Variants in CAST observed in about 807,000 individuals in gnomAD.
The protein encoded by CAST is MIR583 host.
In CAST, 76 loss-of-function variants were observed where a neutral mutation model predicts 119.6. That is an observed-to-expected ratio of 0.64 (90% CI 0.53 to 0.77). CAST has a LOEUF of 0.77. CAST is among the 30% of genes least tolerant of loss of function. CAST has a pLI of 0.00. For missense variants in CAST, 953 were observed against 946.5 expected (o/e 1.01, Z -0.09); for synonymous variants, 319 against 331.6 (o/e 0.96, Z 0.41).
In CAST at chr5:96,740,924, A is replaced by T. The variant is rs531007060; in HGVS notation, c.918+141A>T. 2.2e-3 allele frequency: 1,464 copies of T among 659,380 alleles called. 29 individuals are homozygous for T. In the South Asian group the frequency reaches 0.026, roughly 12 times the overall value. 40.8% of individuals were successfully genotyped at this position (659,380 alleles called of 1,614,324 possible). ...ATGGAGTTTCTGTGTGTTCAGAGAA[A>T]GGGGTTGGTGGGAGGGTTGTCTCAG... On this transcript the variant is annotated intron_variant, in intron 13 of 31. Coordinates refer to ENST00000675179, the MANE Select transcript of CAST (RefSeq NM_001750.7).
chr5:96,384,127 A>G, the CAST span, among the ~76,000 whole-genome samples: 1 of 152,106 alleles, frequency 6.6e-6, no homozygotes, highest in African/African-American at 2.4e-5. Flanking sequence ...AAGAGGAGGT[A>G]TCTCTTCTCT....
chr5:96,426,024 C>T, the CAST span: 33 of 746,430 alleles, frequency 4.4e-5, 1 homozygote, highest in Middle Eastern at 9.9e-4. Flanking sequence ...CATCAGAGTT[C>T]AGGCAGCTCT....
At chr5:96,134,812 C>G in the CAST span, among the ~76,000 whole-genome samples, 4 of 152,124 alleles carry the variant, frequency 2.6e-5, no homozygotes, top group Non-Finnish European at 5.9e-5. Context: ...TTTTCTGCCT[C>G]TAGTAGGAAG....
At chr5:96,483,642 A>G in the CAST span, among the ~76,000 whole-genome samples, 105,831 of 152,006 alleles carry the variant, frequency 0.7, 37,398 homozygotes, top group African/African-American at 0.79. Flanking sequence ...CTGATCTTTC[A>G]TTGTTTTTTC....
chr5:96,457,137 T>C, the CAST span, among the ~76,000 whole-genome samples: 108,863 of 151,936 alleles, frequency 0.72, 39,621 homozygotes, highest in African/African-American at 0.83. Flanking sequence ...GTTATTAGCA[T>C]CCTCCCTGAT....
chr5:96,601,862 C>T (rs1031722361), intron 1 of CAST, among the ~76,000 whole-genome samples: 1 of 152,120 alleles, frequency 6.6e-6, no homozygotes, highest in Non-Finnish European at 1.5e-5. Context: ...TGATAAGCAC[C>T]GTAATGCTAA....
At chr5:96,490,120 A>G in the CAST span, among the ~76,000 whole-genome samples, 1 of 152,178 alleles carries the variant, frequency 6.6e-6, no homozygotes, top group African/African-American at 2.4e-5. Context: ...ATGATCAACA[A>G]TTGTCAACAC....
chr5:96,531,524 T>C (rs1488442459), intron 1 of CAST, among the ~76,000 whole-genome samples: 2 of 152,228 alleles, frequency 1.3e-5, no homozygotes, highest in African/African-American at 4.8e-5. Context: ...AGAAGCACTT[T>C]AATGTAAAAT....
the CAST span, among the ~76,000 whole-genome samples, chr5:95,996,223 G>T: frequency 6.6e-6 from 1 of 152,180 alleles, no homozygotes; most frequent in Non-Finnish European, 1.5e-5. Context: ...TGACTCCAGA[G>T]TGGATTGCAG....
chr5:96,513,264 C>G, the CAST span, among the ~76,000 whole-genome samples: 162 of 152,324 alleles, frequency 1.1e-3, no homozygotes, highest in African/African-American at 3.8e-3. Context: ...CTGCTGTAGG[C>G]ACTGGGGCTA....
the CAST span, among the ~76,000 whole-genome samples, chr5:96,418,273 G>A: frequency 6.6e-6 from 1 of 152,292 alleles, no homozygotes; most frequent in Non-Finnish European, 1.5e-5. Context: ...GTGAGGTGCT[G>A]CAGTAAAGAA....
chr5:96,008,020 G>A, the CAST span, among the ~76,000 whole-genome samples: 12 of 151,492 alleles, frequency 7.9e-5, 1 homozygote, highest in African/African-American at 2.7e-4. Flanking sequence ...GTGAGAAGGT[G>A]GCTGTCTACA....
chr5:96,279,589 T>C, the CAST span, among the ~76,000 whole-genome samples: 2 of 152,216 alleles, frequency 1.3e-5, no homozygotes, highest in South Asian at 4.1e-4. Context: ...GGCACATTAA[T>C]AGACATGATA....
At chr5:96,064,507 A>C in the CAST span, among the ~76,000 whole-genome samples, 1 of 151,982 alleles carries the variant, frequency 6.6e-6, no homozygotes, top group South Asian at 2.1e-4. Flanking sequence ...TCATTTTTGT[A>C]CTTTCATTTA....
chr5:96,750,670 G>A lies in CAST; in HGVS notation c.1512G>A (p.Glu504=), dbSNP rs1261115261. Reference sequence around the variant, plus strand: ...GTAGTATACAGTCAGCACCCCCTGAGCCGGCTACCTTGGTGAGTGACTCCC... The same window carrying A: ...GTAGTATACAGTCAGCACCCCCTGAACCGGCTACCTTGGTGAGTGACTCCC... ...SMCSIQSAPP[E]PATLKGTVPD... Residue 504 remains glutamate (E), a synonymous_variant, in exon 20 of 32, where the codon GAG becomes GAA. Transcript: ENST00000675179. 1.1e-5 allele frequency: 17 copies of A among 1,611,974 alleles called. No individual in the cohort carries two copies. The highest frequency in any genetic ancestry group is 1.4e-5 in the Non-Finnish European group (16 of 1,178,328).
chr5:96,314,169 A>T, the CAST span, among the ~76,000 whole-genome samples: 1 of 152,148 alleles, frequency 6.6e-6, no homozygotes, highest in Non-Finnish European at 1.5e-5. Flanking sequence ...TATTTTGCTG[A>T]TTATCTCTAA....
At chr5:96,426,067 G>T in the CAST span, 1 of 683,656 alleles carries the variant, frequency 1.5e-6, no homozygotes, top group Non-Finnish European at 2.7e-6. Flanking sequence ...GATTAAACTG[G>T]CACCTCAGTG....
the CAST span, among the ~76,000 whole-genome samples, chr5:96,416,565 G>A: frequency 6.6e-6 from 1 of 152,160 alleles, no homozygotes; most frequent in Non-Finnish European, 1.5e-5. Context: ...TTTCTCCCTA[G>A]TGACTGCCTT....
the CAST span, among the ~76,000 whole-genome samples, chr5:96,488,726 T>C: frequency 1.3e-5 from 2 of 152,232 alleles, no homozygotes; most frequent in African/African-American, 4.8e-5. Context: ...AATCATTGTC[T>C]TTGAGGAAGG....
Sources: gnomAD v4.1 joint callset for allele counts (sites outside exome capture counted in the v4.1 genomes callset) on GRCh38, gnomAD v4.1.1 for gene constraint, MANE v1.5 for transcripts, NCBI Gene and HGNC (gene_info 2026-07-23, HGNC 2026-07-21) for gene names.